The following ANKRD11 variants were observed in gnomAD, a reference collection of about 807,000 sequenced individuals.
The protein encoded by ANKRD11 is ankyrin repeat domain-containing protein 11.
In ANKRD11, 17 loss-of-function variants were observed where a neutral mutation model predicts 195.7. That is an observed-to-expected ratio of 0.09 (90% confidence interval 0.06 to 0.13). The LOEUF is 0.13. Among genes scored for constraint, ANKRD11 ranks in the 10% least tolerant of loss-of-function variants. ANKRD11 has a pLI of 1.00. For missense variants in ANKRD11, 3,735 were observed against 3,566.1 expected (o/e 1.05, Z -1.21); for synonymous variants, 1,953 against 1,528.1 (o/e 1.28, Z -6.49).
chr16:89,380,196 C>A (rs1023266917), intron 2 of ANKRD11, among the ~76,000 whole-genome samples: 4 of 152,102 alleles, frequency 2.6e-5, no homozygotes. Context: ...CACTTCAACA[C>A]CCACTTCACA....
chr16:89,419,372 G>T (rs985599461), intron 1 of ANKRD11, among the ~76,000 whole-genome samples: 13 of 151,192 alleles, frequency 8.6e-5, no homozygotes, highest in Non-Finnish European at 1.8e-4. Context: ...TGAATCACTT[G>T]AATCTGCGAG....
Position 89,280,979 on chromosome 16 carries a change from A to C in ANKRD11, c.5563T>G (p.Tyr1855Asp), listed in dbSNP as rs754101263. ...TCGACTTTGGGCGACGGGAGGCCAT[A>C]GTCTGGGGAGTAGTACCCTGGCGAC... ...CLSPGYYSPD[Y>D]GLPSPKVDAL... The change falls in exon 9 of 13, where the codon TAT becomes GAT. Residue 1855 changes from tyrosine to aspartate, a missense_variant. By Grantham distance (160) the Tyr-to-Asp change is radical (BLOSUM62 -3). Transcript: ENST00000301030. 6.4e-7 allele frequency: 1 copy of C among 1,572,138 alleles called. No homozygotes were observed. Among genetic ancestry groups the C allele is most frequent in the Non-Finnish European group, 8.6e-7 (1 of 1,156,772 alleles).
At chr16:89,309,521 C>T (rs1175088094) in intron 3 of ANKRD11, among the ~76,000 whole-genome samples, 1 of 152,218 alleles carries the variant, frequency 6.6e-6, no homozygotes, top group African/African-American at 2.4e-5. Context: ...ATTTCTTTTT[C>T]GCTTCCCAGC....
At chr16:89,396,666 C>G (rs1214341060) in intron 2 of ANKRD11, among the ~76,000 whole-genome samples, 1 of 152,030 alleles carries the variant, frequency 6.6e-6, no homozygotes, top group African/African-American at 2.4e-5. Flanking sequence ...TAAGGAAATG[C>G]TCCTCTAATT....
In ANKRD11 at chr16:89,309,533, C is replaced by G. The variant is rs984193494; in HGVS notation, c.88-4189G>C. Among the ~76,000 whole-genome samples the G allele has an allele frequency of 3.9e-5, 6 of 152,244 alleles. No homozygotes were observed. The South Asian group carries it at 6.2e-4, about 16-fold the overall frequency. ...CAAATTTCTTTTTCGCTTCCCAGCT[C>G]CTTACACCTCAACGAGCTGCGCAAG... is the stretch of plus-strand genomic sequence containing the variant. On this transcript the variant is annotated intron_variant, in intron 3 of 12. Coordinates refer to ENST00000301030, the MANE Select transcript of ANKRD11 (RefSeq NM_013275.6).
rs2057787214 is a variant in ANKRD11, at chr16:89,490,299, TGCCCATGCAGCCC to T, written c.-212_-200del. ...CGGCTCAGCGGCGGGGCGCGGGCGCTGCCCATGCAGCCCGCGGCCGCGTTTCCCGGGCCGCGCG... is the reference window on the plus strand; with the variant it reads ...CGGCTCAGCGGCGGGGCGCGGGCGCTGCGGCCGCGTTTCCCGGGCCGCGCG... On this transcript the variant is annotated 5_prime_UTR_variant, in exon 1 of 13. The change abolishes an upstream ATG in the 5' untranslated region. Transcript: ENST00000301030. The T allele has an allele frequency of 6.8e-6, 1 of 147,712 alleles. No individual in the cohort carries two copies. The highest frequency in any genetic ancestry group is 2.5e-5 in the African/African-American group (1 of 40,618). The allele number at this position is 147,712 out of a possible 1,614,324, so 9.2% of individuals were successfully genotyped here.
intron 2 of ANKRD11, among the ~76,000 whole-genome samples, chr16:89,344,641 A>C (rs2038853185): frequency 6.6e-6 from 1 of 152,234 alleles, no homozygotes; most frequent in Non-Finnish European, 1.5e-5. Flanking sequence ...CCCAGGAAGA[A>C]AGAGGGCCAG....
chr16:89,283,611 C>T lies in ANKRD11; in HGVS notation c.2931G>A (p.Lys977=). Residue 977 remains lysine (K), a synonymous_variant, in exon 9 of 13, where the codon AAG becomes AAA. Coordinates refer to ENST00000301030, the MANE Select transcript of ANKRD11 (RefSeq NM_013275.6). This position sits in a 1 kb window ranked among gnomAD's most constrained non-coding sequence, Gnocchi z 4.3. ...KPEEAHREEL[K]ECGCESGFKD... is the part of the protein sequence containing the mutation. ...TGAAGCCACTCTCGCAGCCACACTCCTTCAGCTCCTCCCGGTGCGCCTCCT... is the reference window on the plus strand; with the variant it reads ...TGAAGCCACTCTCGCAGCCACACTCTTTCAGCTCCTCCCGGTGCGCCTCCT... The T allele has an allele frequency of 6.2e-7, 1 of 1,610,126 alleles. No homozygotes were observed. Among genetic ancestry groups the T allele is most frequent in the Non-Finnish European group, 8.5e-7 (1 of 1,179,918 alleles).
intron 2 of ANKRD11, among the ~76,000 whole-genome samples, chr16:89,319,749 C>T (rs1214778392): frequency 1.3e-5 from 2 of 152,270 alleles, no homozygotes; most frequent in Non-Finnish European, 2.9e-5. Context: ...GCCCAGGCTA[C>T]ACCTCCCAGG....
chr16:89,290,927 C>A, intron 5 of ANKRD11, 86 bp downstream of exon 5: 2 of 1,609,822 alleles, frequency 1.2e-6, no homozygotes. Context: ...TCCCTTTGCA[C>A]AGGGCTTGTC....
At chr16:89,372,801 T>C (rs1304191483) in intron 2 of ANKRD11, 2 of 151,904 alleles carry the variant, frequency 1.3e-5, no homozygotes, top group East Asian at 3.9e-4. Flanking sequence ...ATGTTGAGAG[T>C]CAGAAAGCCA....
chr16:89,286,945 G>C, intron 7 of ANKRD11: 1 of 1,289,722 alleles, frequency 7.8e-7, no homozygotes. Flanking sequence ...GTCGCCCACA[G>C]AATCAGTTTC....
chr16:89,338,503 G>A (rs909568329), intron 2 of ANKRD11, among the ~76,000 whole-genome samples: 1 of 151,416 alleles, frequency 6.6e-6, no homozygotes, highest in Admixed American at 6.6e-5. Flanking sequence ...GCCGAGGCGG[G>A]CAATCACCTG....
intron 2 of ANKRD11, among the ~76,000 whole-genome samples, chr16:89,368,764 G>C (rs1001280488): frequency 2.6e-5 from 4 of 152,050 alleles, no homozygotes; most frequent in African/African-American, 9.7e-5. Flanking sequence ...AAATTAGTCA[G>C]GTGTGGTGGT....
rs966283092 is a variant in ANKRD11 at position 89,402,921 on chromosome 16, C to T, written c.-60+15363G>A. Among the ~76,000 whole-genome samples the T allele has an allele frequency of 1.7e-4, 26 of 152,236 alleles. No individual in the cohort carries two copies. The East Asian group carries it at 5.0e-3, about 29-fold the overall frequency. On this transcript the variant is annotated intron_variant, in intron 2 of 12. Transcript: ENST00000301030. ...CATCAGGGCCAGCACTGCGCCACTC[C>T]CAACAAAGCAGGCAACCTAGCCTGC...
chr16:89,383,042 T>C (rs2040731888), intron 2 of ANKRD11, among the ~76,000 whole-genome samples: 1 of 152,210 alleles, frequency 6.6e-6, no homozygotes, highest in South Asian at 2.1e-4. Flanking sequence ...AGTTATTCAA[T>C]TATGCCATGT....
chr16:89,397,946 T>A (rs1363358617), intron 2 of ANKRD11, among the ~76,000 whole-genome samples: 2 of 152,226 alleles, frequency 1.3e-5, no homozygotes, highest in African/African-American at 4.8e-5. Context: ...CAGACACTGA[T>A]CTCCTGTTGT....
intron 4 of ANKRD11, among the ~76,000 whole-genome samples, chr16:89,302,191 G>T (rs1423585375): frequency 1.3e-5 from 2 of 152,250 alleles, no homozygotes; most frequent in African/African-American, 4.8e-5. Context: ...GCGTGTGTGA[G>T]AGCCACAGCG....
At chr16:89,470,624 T>C (rs2057045736) in intron 1 of ANKRD11, among the ~76,000 whole-genome samples, 1 of 152,070 alleles carries the variant, frequency 6.6e-6, no homozygotes, top group African/African-American at 2.4e-5. Context: ...GGCAGGTAGA[T>C]CACAAGGTCA....
Sources: gnomAD v4.1 joint callset for allele counts (sites outside exome capture counted in the v4.1 genomes callset) on GRCh38, gnomAD v4.1.1 for gene constraint, Gnocchi (gnomAD v3.1) non-coding constraint, MANE v1.5 for transcripts, NCBI Gene and HGNC (gene_info 2026-07-23, HGNC 2026-07-21) for gene names.